Variants in USH2A observed in about 807,000 individuals in gnomAD.
The protein encoded by USH2A is usherin.
A neutral mutation model predicts 538.9 loss-of-function variants in USH2A; 443 were observed. The observed-to-expected ratio is 0.82, with a 90% CI of 0.76 to 0.89. The LOEUF (loss-of-function observed/expected upper bound fraction) is 0.89. Ranked by LOEUF, USH2A falls within the 40% of genes least tolerant of loss-of-function variation. USH2A has a pLI of 0.00. For missense variants in USH2A, 6,633 were observed against 6,324.8 expected (o/e 1.05, Z -1.65); for synonymous variants, 2,413 against 2,273.5 (o/e 1.06, Z -1.75).
chr1:216,013,602 T>C lies in USH2A; in HGVS notation c.6326-13040A>G, dbSNP rs961098914. ...CCTGTTCCTGCCTTAACTGATGACA[T>C]TGTCTTGTGAAATTCCTTCTCCTGG... On this transcript the variant is annotated intron_variant, in intron 32 of 71. Transcript: ENST00000307340. 1.1e-4 allele frequency among the ~76,000 whole-genome samples: 17 copies of C among 152,212 alleles called. No homozygotes were observed. In the East Asian group the frequency reaches 2.5e-3, roughly 23 times the overall value.
At chr1:215,783,629 T>C (rs936035378) in intron 52 of USH2A, among the ~76,000 whole-genome samples, 1 of 152,216 alleles carries the variant, frequency 6.6e-6, no homozygotes, top group Admixed American at 6.5e-5. Context: ...AAAGTCTTAG[T>C]TCCATTTAGG....
At chr1:215,783,546 C>T (rs749897313) in intron 52 of USH2A, among the ~76,000 whole-genome samples, 1 of 152,092 alleles carries the variant, frequency 6.6e-6, no homozygotes, top group African/African-American at 2.4e-5. Flanking sequence ...AACAATAAAA[C>T]CAAGCCTGCT....
intron 32 of USH2A, among the ~76,000 whole-genome samples, chr1:216,010,183 G>A (rs527683641): frequency 6.5e-4 from 99 of 152,240 alleles, no homozygotes; most frequent in Non-Finnish European, 9.3e-4. Context: ...ACTGTGAGAC[G>A]AACCCCAGCC....
At chr1:215,804,264 A>C (rs990501520) in intron 49 of USH2A, among the ~76,000 whole-genome samples, 25 of 152,054 alleles carry the variant, frequency 1.6e-4, no homozygotes, top group African/African-American at 6.0e-4. Context: ...CAATGGCAAC[A>C]AAAGCCAAAA....
intron 35 of USH2A, among the ~76,000 whole-genome samples, chr1:215,984,482 A>G (rs1392863195): frequency 6.6e-6 from 1 of 152,154 alleles, no homozygotes; most frequent in Non-Finnish European, 1.5e-5. Flanking sequence ...TTCCATAATG[A>G]TAGGGTTTTT....
At chr1:216,062,506 G>A (rs114675371) in intron 30 of USH2A, among the ~76,000 whole-genome samples, 266 of 152,234 alleles carry the variant, frequency 1.7e-3, no homozygotes, top group Non-Finnish European at 3.0e-3. Context: ...AGATTATAAA[G>A]GTAACTATGA....
intron 21 of USH2A, among the ~76,000 whole-genome samples, chr1:216,120,155 A>G (rs890428901): frequency 1.5e-4 from 23 of 150,854 alleles, no homozygotes; most frequent in African/African-American, 5.6e-4. Flanking sequence ...ACATTTGACT[A>G]TAAGATTGAA....
intron 71 of USH2A, among the ~76,000 whole-genome samples, chr1:215,626,749 C>T (rs1245388536): frequency 6.6e-6 from 1 of 152,120 alleles, no homozygotes; most frequent in African/African-American, 2.4e-5. Context: ...TAATTGCTAG[C>T]TGTGTAATCT....
chr1:215,694,829 A>G (rs567122073), intron 61 of USH2A, among the ~76,000 whole-genome samples: 18 of 152,360 alleles, frequency 1.2e-4, no homozygotes, highest in African/African-American at 3.6e-4. Context: ...AGCAATGACC[A>G]TATAGGATTT....
chr1:216,148,047 C>T (rs1022703237), intron 21 of USH2A, among the ~76,000 whole-genome samples: 1 of 150,582 alleles, frequency 6.6e-6, no homozygotes, highest in African/African-American at 2.4e-5. Flanking sequence ...TCGGAAGCCC[C>T]CTAGACCATC....
In USH2A at chr1:216,324,198, G is replaced by T. The variant is rs1440518861; in HGVS notation, c.1298C>A (p.Pro433His). The T allele has an allele frequency of 5.0e-6, 8 of 1,612,938 alleles. No homozygotes were observed. Among genetic ancestry groups the T allele is most frequent in the Non-Finnish European group, 5.9e-6 (7 of 1,179,582 alleles). ...AAGCTGAAGACAGTTGACAGAATCA[G>T]GTTTTTCCAAATCTCCATTGTTTTT... The part of the protein sequence containing the change: ...GMKNNGDLEK[P>H]DSVNCLQLSN... Residue 433 changes from proline to histidine, a missense_variant, in exon 7 of 72, where the codon CCT becomes CAT. By Grantham distance (77) the Pro-to-His change is moderately conservative. Coordinates refer to ENST00000307340, the MANE Select transcript of USH2A (RefSeq NM_206933.4).
At chr1:216,330,508 A>G (rs972567794) in intron 4 of USH2A, among the ~76,000 whole-genome samples, 2 of 151,926 alleles carry the variant, frequency 1.3e-5, no homozygotes, top group Non-Finnish European at 2.9e-5. Context: ...AGACCTCTAA[A>G]TCAGTATGCT....
At chr1:216,010,556 A>G (rs11120713) in intron 32 of USH2A, among the ~76,000 whole-genome samples, 64,854 of 151,126 alleles carry the variant, frequency 0.43, 15,208 homozygotes, top group East Asian at 0.7. Context: ...GGGTAAGTCC[A>G]TCCCCTTCTT....
chr1:215,895,609 G>T (rs569820785), intron 40 of USH2A, among the ~76,000 whole-genome samples: 2 of 152,192 alleles, frequency 1.3e-5, no homozygotes, highest in Non-Finnish European at 2.9e-5. Context: ...GAAGGTTGCT[G>T]AGGGGAAAAG....
intron 4 of USH2A, among the ~76,000 whole-genome samples, chr1:216,361,339 T>C (rs1166389844): frequency 6.6e-6 from 1 of 152,102 alleles, no homozygotes; most frequent in Non-Finnish European, 1.5e-5. Flanking sequence ...CTTCGTGATA[T>C]CAGGGTTTGC....
intron 11 of USH2A, among the ~76,000 whole-genome samples, chr1:216,262,321 A>G (rs1484055302): frequency 6.6e-6 from 1 of 152,186 alleles, no homozygotes; most frequent in Non-Finnish European, 1.5e-5. Context: ...ACTGAAAAAA[A>G]TCAGGAAAAG....
Position 216,418,578 on chromosome 1 carries a change from G to A in USH2A, c.587C>T (p.Pro196Leu). The change falls in exon 3 of 72, where the codon CCT (proline) becomes CTT (leucine). Residue 196 changes from proline (P) to leucine (L), a missense_variant. Pro to Leu is a moderately conservative substitution (Grantham distance 98). Coordinates refer to ENST00000307340, the MANE Select transcript of USH2A (RefSeq NM_206933.4). ...CCCCAGTGTCATTACTTTTATTGGA[G>A]GTTGCAAACCATTTACTGTGCGATA... ...FYYRTVNGLQ[P>L]PIKVMTLGRI... 1.2e-6 allele frequency: 2 copies of A among 1,613,268 alleles called. No individual in the cohort carries two copies. Among genetic ancestry groups the A allele is most frequent in the Non-Finnish European group, 1.7e-6 (2 of 1,179,560 alleles).
intron 67 of USH2A, among the ~76,000 whole-genome samples, chr1:215,641,663 C>G (rs1386920464): frequency 1.3e-5 from 2 of 152,020 alleles, no homozygotes; most frequent in African/African-American, 4.8e-5. Flanking sequence ...CACCTATATA[C>G]CAAATTGGCT....
chr1:216,105,188 T>C (rs1002342653), intron 21 of USH2A, among the ~76,000 whole-genome samples: 4 of 152,150 alleles, frequency 2.6e-5, no homozygotes, highest in African/African-American at 4.8e-5. Context: ...TTTTTAATGG[T>C]TAGCGCTTTG....
Sources: gnomAD v4.1 joint callset for allele counts (sites outside exome capture counted in the v4.1 genomes callset) on GRCh38, gnomAD v4.1.1 for gene constraint, MANE v1.5 for transcripts, NCBI Gene and HGNC (gene_info 2026-07-23, HGNC 2026-07-21) for gene names.